LRRC4C: variants seen among roughly 807,000 people sequenced by gnomAD.
LRRC4C encodes leucine rich repeat containing 4C, also known as leucine-rich repeat-containing protein 4C.
In LRRC4C, 5 loss-of-function variants were observed where a neutral mutation model predicts 33.6. The observed-to-expected ratio is 0.15, with a 90% CI of 0.08 to 0.31. LRRC4C has a LOEUF of 0.31. LRRC4C is among the 10% of genes least tolerant of loss of function. LRRC4C has a pLI of 1.00. For missense variants in LRRC4C, 560 were observed against 796.7 expected (o/e 0.70, Z 3.58); for synonymous variants, 329 against 302.0 (o/e 1.09, Z -0.93).
intron 2 of LRRC4C, among the ~76,000 whole-genome samples, chr11:40,729,022 A>G (rs1490760317): frequency 6.6e-6 from 1 of 152,112 alleles, no homozygotes; most frequent in African/African-American, 2.4e-5. Context: ...AAAATTTTCT[A>G]TTGAATATTA....
intron 1 of LRRC4C, among the ~76,000 whole-genome samples, chr11:41,446,797 C>T (rs1436268880): frequency 6.6e-6 from 1 of 152,002 alleles, no homozygotes; most frequent in East Asian, 1.9e-4. Flanking sequence ...TTCTATTTAT[C>T]TCAGAGAATT....
At chr11:40,353,449 G>GGC in intron 3 of LRRC4C, among the ~76,000 whole-genome samples, 1 of 152,088 alleles carries the variant, frequency 6.6e-6, no homozygotes. Context: ...CAGGTGCAGT[G>GGC]GCTCATGCCT....
intron 3 of LRRC4C, among the ~76,000 whole-genome samples, chr11:40,570,741 T>G (rs1247734585): frequency 6.6e-6 from 1 of 152,154 alleles, no homozygotes; most frequent in Admixed American, 6.6e-5. Context: ...TGACACCTGT[T>G]CTAAAGACAT....
At chr11:41,295,023 T>A (rs1303491276) in intron 1 of LRRC4C, among the ~76,000 whole-genome samples, 1 of 152,224 alleles carries the variant, frequency 6.6e-6, no homozygotes, top group Non-Finnish European at 1.5e-5. Context: ...CGGTTGTTAT[T>A]GTAAATTAGC....
At chr11:41,312,122 A>G (rs1203463350) in intron 1 of LRRC4C, among the ~76,000 whole-genome samples, 2 of 152,180 alleles carry the variant, frequency 1.3e-5, no homozygotes, top group Non-Finnish European at 2.9e-5. Flanking sequence ...GACAAAGTGG[A>G]TGACCAAAAA....
At chr11:40,539,616 T>G (rs1000269818) in intron 3 of LRRC4C, among the ~76,000 whole-genome samples, 3 of 152,130 alleles carry the variant, frequency 2.0e-5, no homozygotes, top group African/African-American at 7.2e-5. Context: ...GTCCAATAAT[T>G]AAATATTTAT....
chr11:40,462,591 T>C (rs1952452604), intron 3 of LRRC4C, among the ~76,000 whole-genome samples: 2 of 152,092 alleles, frequency 1.3e-5, no homozygotes, highest in African/African-American at 2.4e-5. Flanking sequence ...AAAGACCTTA[T>C]GAAGGGTGGT....
chr11:40,600,290 G>A (rs1028942452), intron 3 of LRRC4C, among the ~76,000 whole-genome samples: 11 of 152,062 alleles, frequency 7.2e-5, no homozygotes, highest in Admixed American at 3.9e-4. Flanking sequence ...ACAAAACCTC[G>A]GTGTGTAGGT....
intron 1 of LRRC4C, among the ~76,000 whole-genome samples, chr11:41,089,273 G>A (rs1940228213): frequency 6.6e-6 from 1 of 151,888 alleles, no homozygotes; most frequent in Non-Finnish European, 1.5e-5. Flanking sequence ...TTGAAAACAA[G>A]TAATTCTTCC....
chr11:41,106,772 T>C (rs1941522012), intron 1 of LRRC4C, among the ~76,000 whole-genome samples: 1 of 152,000 alleles, frequency 6.6e-6, no homozygotes, highest in African/African-American at 2.4e-5. Flanking sequence ...GCAACTCATT[T>C]TGGGAGGTGA....
chr11:40,270,962 T>C (rs2136337699), intron 4 of LRRC4C, among the ~76,000 whole-genome samples: 1 of 152,248 alleles, frequency 6.6e-6, no homozygotes, highest in East Asian at 1.9e-4. Context: ...AGGTGGCTAG[T>C]GGGGAAAAGC....
At chr11:40,414,035 CA>C (rs1950240655) in intron 3 of LRRC4C, among the ~76,000 whole-genome samples, 1 of 151,968 alleles carries the variant, frequency 6.6e-6, no homozygotes, top group South Asian at 2.1e-4. Flanking sequence ...GATCTAAACA[CA>C]TTTTTTTGAC....
intron 2 of LRRC4C, among the ~76,000 whole-genome samples, chr11:40,772,822 C>A (rs1182302694): frequency 6.6e-6 from 1 of 152,068 alleles, no homozygotes; most frequent in Non-Finnish European, 1.5e-5. Flanking sequence ...AATAGTATTA[C>A]CATATGATTC....
chr11:41,095,547 T>C (rs1443860388), intron 1 of LRRC4C, among the ~76,000 whole-genome samples: 1 of 152,216 alleles, frequency 6.6e-6, no homozygotes, highest in African/African-American at 2.4e-5. Context: ...CATGGTTCAG[T>C]GCACTTTGAC....
chr11:41,198,979 C>T (rs533711322), intron 1 of LRRC4C, among the ~76,000 whole-genome samples: 3 of 152,086 alleles, frequency 2.0e-5, no homozygotes, highest in East Asian at 1.9e-4. Context: ...TACTAGTTGC[C>T]TTCGTTTATT....
At chr11:40,250,552 C>A (rs1040880541) in intron 4 of LRRC4C, among the ~76,000 whole-genome samples, 3 of 151,752 alleles carry the variant, frequency 2.0e-5, no homozygotes, top group African/African-American at 7.3e-5. Flanking sequence ...CCAGCCTAAC[C>A]AACATGGTGA....
chr11:41,094,324 G>A (rs1456802503), intron 1 of LRRC4C, among the ~76,000 whole-genome samples: 1 of 151,946 alleles, frequency 6.6e-6, no homozygotes, highest in Non-Finnish European at 1.5e-5. Flanking sequence ...AGGAGATACA[G>A]ACCATCCTGG....
At chr11:41,162,373 G>A (rs1422536520) in intron 1 of LRRC4C, among the ~76,000 whole-genome samples, 1 of 152,088 alleles carries the variant, frequency 6.6e-6, no homozygotes, top group African/African-American at 2.4e-5. Flanking sequence ...GCAGAGAAGA[G>A]GGGTATTATT....
chr11:40,526,137 T>A (rs538023570), intron 3 of LRRC4C, among the ~76,000 whole-genome samples: 68 of 152,168 alleles, frequency 4.5e-4, no homozygotes, highest in Non-Finnish European at 9.4e-4. Context: ...ATAAAGATTT[T>A]ACAAGAAAAC....
Sources: gnomAD v4.1 joint callset for allele counts (sites outside exome capture counted in the v4.1 genomes callset) on GRCh38, gnomAD v4.1.1 for gene constraint, MANE v1.5 for transcripts, NCBI Gene and HGNC (gene_info 2026-07-23, HGNC 2026-07-21) for gene names.